Variants in SAMTOR observed in about 807,000 individuals in gnomAD.
SAMTOR encodes UPF0532 protein C7orf60.
the SAMTOR span, among the ~76,000 whole-genome samples, chr7:112,886,441 G>T: frequency 6.6e-6 from 1 of 152,080 alleles, no homozygotes; most frequent in Admixed American, 6.5e-5. Context: ...CTCCACTTCT[G>T]GGAATCCATC....
the SAMTOR span, among the ~76,000 whole-genome samples, chr7:112,845,432 T>A: frequency 6.6e-6 from 1 of 151,990 alleles, no homozygotes; most frequent in Non-Finnish European, 1.5e-5. Context: ...GCAAAGGACA[T>A]AAACAGACAC....
the SAMTOR span, chr7:112,821,964 T>C: frequency 6.2e-7 from 1 of 1,613,412 alleles, no homozygotes; most frequent in Non-Finnish European, 8.5e-7. Flanking sequence ...TCCTGGGTAG[T>C]TCCTACTAAC....
chr7:112,934,445 C>T, the SAMTOR span, among the ~76,000 whole-genome samples: 1 of 152,202 alleles, frequency 6.6e-6, no homozygotes, highest in Non-Finnish European at 1.5e-5. Context: ...ATGCTAATAG[C>T]TATCTACATT....
At chr7:112,916,235 A>C in the SAMTOR span, among the ~76,000 whole-genome samples, 4 of 152,188 alleles carry the variant, frequency 2.6e-5, no homozygotes, top group Non-Finnish European at 5.9e-5. Flanking sequence ...AGTCATCACA[A>C]TATGAAATTG....
At chr7:112,909,132 T>C in the SAMTOR span, among the ~76,000 whole-genome samples, 1 of 152,240 alleles carries the variant, frequency 6.6e-6, no homozygotes, top group Non-Finnish European at 1.5e-5. Flanking sequence ...TAATGTCCAA[T>C]GCCTTCATTA....
chr7:112,885,534 T>C, the SAMTOR span, among the ~76,000 whole-genome samples: 4 of 152,106 alleles, frequency 2.6e-5, no homozygotes, highest in African/African-American at 9.7e-5. Flanking sequence ...GCCAGTCTCT[T>C]TGCATAGGAT....
At chr7:112,838,330 G>T in the SAMTOR span, among the ~76,000 whole-genome samples, 14 of 152,028 alleles carry the variant, frequency 9.2e-5, no homozygotes, top group African/African-American at 3.4e-4. Context: ...GGGCAAGTTT[G>T]TTAATCATGT....
chr7:112,858,447 A>T, the SAMTOR span, among the ~76,000 whole-genome samples: 4 of 152,030 alleles, frequency 2.6e-5, no homozygotes, highest in African/African-American at 9.7e-5. Flanking sequence ...AAAATAGAAG[A>T]TAATAGTAAT....
At chr7:112,862,548 A>G in the SAMTOR span, among the ~76,000 whole-genome samples, 2 of 152,228 alleles carry the variant, frequency 1.3e-5, no homozygotes, top group Non-Finnish European at 2.9e-5. Context: ...ACATGTTTTC[A>G]TGGAGCTTTA....
At chr7:112,869,455 G>C in the SAMTOR span, among the ~76,000 whole-genome samples, 1 of 151,690 alleles carries the variant, frequency 6.6e-6, no homozygotes, top group South Asian at 2.1e-4. Flanking sequence ...AGCCACTGTA[G>C]AAACTATCTG....
chr7:112,896,565 T>C, the SAMTOR span, among the ~76,000 whole-genome samples: 1 of 152,214 alleles, frequency 6.6e-6, no homozygotes, highest in African/African-American at 2.4e-5. Flanking sequence ...GATTTAGTTT[T>C]AACTCTATAC....
At chr7:112,888,502 G>A in the SAMTOR span, among the ~76,000 whole-genome samples, 7 of 152,072 alleles carry the variant, frequency 4.6e-5, no homozygotes, top group Non-Finnish European at 1.0e-4. Flanking sequence ...GGTAATTGGG[G>A]TTTGGGATAA....
chr7:112,837,114 G>A, the SAMTOR span, among the ~76,000 whole-genome samples: 1 of 151,458 alleles, frequency 6.6e-6, no homozygotes, highest in Non-Finnish European at 1.5e-5. Flanking sequence ...TCTCTGATTC[G>A]AGCATTGTTT....
the SAMTOR span, among the ~76,000 whole-genome samples, chr7:112,877,428 G>A: frequency 6.6e-6 from 1 of 152,034 alleles, no homozygotes; most frequent in Non-Finnish European, 1.5e-5. Flanking sequence ...TGTTTATGCG[G>A]GCTAAATGTA....
chr7:112,905,783 A>AAT, the SAMTOR span, among the ~76,000 whole-genome samples: 4,938 of 151,838 alleles, frequency 0.033, 104 homozygotes, highest in African/African-American at 0.062. Flanking sequence ...TAATATTAGA[A>AAT]ATATATATAT....
the SAMTOR span, among the ~76,000 whole-genome samples, chr7:112,852,917 T>G: frequency 6.6e-6 from 1 of 151,120 alleles, no homozygotes; most frequent in Non-Finnish European, 1.5e-5. Context: ...GAATCAAGAG[T>G]GTAAAGAGAC....
chr7:112,838,276 C>T, the SAMTOR span, among the ~76,000 whole-genome samples: 1 of 151,828 alleles, frequency 6.6e-6, no homozygotes, highest in African/African-American at 2.4e-5. Context: ...TGAGAATCGA[C>T]TGTGTGTAGG....
At chr7:112,906,933 T>C in the SAMTOR span, among the ~76,000 whole-genome samples, 16 of 152,292 alleles carry the variant, frequency 1.1e-4, no homozygotes, top group Admixed American at 7.8e-4. Flanking sequence ...TCCCAATTTA[T>C]GAAAAATTAA....
At chr7:112,899,598 C>T in the SAMTOR span, among the ~76,000 whole-genome samples, 2 of 151,734 alleles carry the variant, frequency 1.3e-5, no homozygotes, top group Admixed American at 1.3e-4. Context: ...GCAGCTTCAC[C>T]CCAAATAAGA....
Sources: gnomAD v4.1 joint callset for allele counts (sites outside exome capture counted in the v4.1 genomes callset) on GRCh38, gnomAD v4.1.1 for gene constraint, MANE v1.5 for transcripts, NCBI Gene and HGNC (gene_info 2026-07-23, HGNC 2026-07-21) for gene names.